The following NEGR1 variants were observed in gnomAD, a reference collection of about 807,000 sequenced individuals.
The protein encoded by NEGR1 is IgLON family member 4.
Under a neutral mutation model 40.9 loss-of-function variants are expected in NEGR1, and 10 were observed. That is an observed-to-expected ratio of 0.24 (90% CI 0.15 to 0.42). The LOEUF is 0.42. NEGR1 is among the 10% of genes least tolerant of loss of function. The probability of loss-of-function intolerance (pLI) is 1.00; values close to 1 mark genes in which losing one functional copy is unlikely to be tolerated. For synonymous variants in NEGR1, 185 were observed against 166.8 expected, an observed-to-expected ratio of 1.11 and a Z score of -0.84; for missense variants, 352 against 438.9, an observed-to-expected ratio of 0.80 and a Z score of 1.77.
chr1:71,904,061 A>G (rs1435305491), intron 2 of NEGR1, among the ~76,000 whole-genome samples: 1 of 151,930 alleles, frequency 6.6e-6, no homozygotes, highest in Non-Finnish European at 1.5e-5. Context: ...TACATATTAT[A>G]TTAAAATCCT....
chr1:71,579,231 G>C (rs1284726792), intron 6 of NEGR1, among the ~76,000 whole-genome samples: 1 of 152,014 alleles, frequency 6.6e-6, no homozygotes, highest in African/African-American at 2.4e-5. Flanking sequence ...CAGTCACATG[G>C]GATTTCTATT....
intron 6 of NEGR1, among the ~76,000 whole-genome samples, chr1:71,559,663 C>T (rs1239896990): frequency 6.6e-6 from 1 of 151,540 alleles, no homozygotes; most frequent in Non-Finnish European, 1.5e-5. Flanking sequence ...ACACTTTAAA[C>T]TTTTAATCAA....
At chr1:72,246,035 AT>A (rs1403106421) in intron 1 of NEGR1, among the ~76,000 whole-genome samples, 5 of 152,134 alleles carry the variant, frequency 3.3e-5, no homozygotes, top group African/African-American at 1.2e-4. Flanking sequence ...CTTCTCTTGA[AT>A]TTTTTGAGTT....
intron 1 of NEGR1, among the ~76,000 whole-genome samples, chr1:72,229,128 T>A (rs1654278714): frequency 6.6e-6 from 1 of 152,046 alleles, no homozygotes; most frequent in Non-Finnish European, 1.5e-5. Flanking sequence ...TACTAAATCA[T>A]CAATTTTACA....
chr1:72,254,951 G>GT (rs1240757307), intron 1 of NEGR1, among the ~76,000 whole-genome samples: 1 of 151,748 alleles, frequency 6.6e-6, no homozygotes, highest in East Asian at 1.9e-4. Flanking sequence ...CTCAATAGAT[G>GT]TATTAAAAAT....
chr1:71,633,140 A>G (rs1400071796), intron 4 of NEGR1, among the ~76,000 whole-genome samples: 1 of 152,088 alleles, frequency 6.6e-6, no homozygotes, highest in Non-Finnish European at 1.5e-5. Flanking sequence ...TAACACTCTC[A>G]GTTTTTAGTC....
chr1:71,444,208 T>C (rs1020456844), intron 6 of NEGR1, among the ~76,000 whole-genome samples: 2 of 152,140 alleles, frequency 1.3e-5, no homozygotes, highest in South Asian at 2.1e-4. Flanking sequence ...TTTGAAGATA[T>C]GGAGATTGTT....
At chr1:71,687,571 G>A (rs1653080264) in intron 4 of NEGR1, among the ~76,000 whole-genome samples, 1 of 152,108 alleles carries the variant, frequency 6.6e-6, no homozygotes, top group South Asian at 2.1e-4. Flanking sequence ...GTGCAGCATC[G>A]TTCTAAAGGA....
chr1:71,757,970 G>T (rs572795690), intron 3 of NEGR1, among the ~76,000 whole-genome samples: 48 of 151,258 alleles, frequency 3.2e-4, no homozygotes, highest in African/African-American at 1.1e-3. Context: ...TTTTGGATGA[G>T]TTTTTTTTTA....
In NEGR1 at chr1:71,560,397, T is replaced by G. The variant is rs565468652; in HGVS notation, c.940+32420A>C. On this transcript the variant is annotated intron_variant, in intron 6 of 6. Transcript: ENST00000357731. ...AAACTGATGCCCATTATGTATGACC[T>G]TAATATAACCCAGGCCCTGTGTAAT... Among the ~76,000 whole-genome samples, 20 of 143,214 alleles carry G rather than the reference T, an allele frequency of 1.4e-4. No homozygotes were observed. The South Asian group carries it at 4.4e-3, about 31-fold the overall frequency. The allele number at this position is 143,214 out of a possible 152,430, so 94.0% of individuals were successfully genotyped here.
intron 4 of NEGR1, among the ~76,000 whole-genome samples, chr1:71,647,055 A>C (rs1422324975): frequency 6.6e-6 from 1 of 151,834 alleles, no homozygotes; most frequent in Non-Finnish European, 1.5e-5. Context: ...ATTATATAAG[A>C]AGATATGCCA....
chr1:71,880,584 A>G lies in NEGR1; in HGVS notation c.409+54495T>C, dbSNP rs139854335. ...TTTAACTCCTTTGAAATGAACTCCA[A>G]ACACTTCAACATAGATAGAAAACCT... is the stretch of plus-strand genomic sequence containing the variant. On this transcript the variant is annotated intron_variant, in intron 2 of 6. Coordinates refer to ENST00000357731, the MANE Select transcript of NEGR1 (RefSeq NM_173808.3). Among the ~76,000 whole-genome samples, 4 of 152,132 alleles carry G rather than the reference A, an allele frequency of 2.6e-5. No homozygotes were observed. In the East Asian group the frequency reaches 7.7e-4, roughly 29 times the overall value.
chr1:71,644,712 G>GA (rs2101576721), intron 4 of NEGR1, among the ~76,000 whole-genome samples: 1 of 151,898 alleles, frequency 6.6e-6, no homozygotes, highest in African/African-American at 2.4e-5. Flanking sequence ...GATTAAATAG[G>GA]AAAAATATTA....
At chr1:71,415,816 G>T (rs915543728) in intron 6 of NEGR1, among the ~76,000 whole-genome samples, 2 of 152,096 alleles carry the variant, frequency 1.3e-5, no homozygotes, top group Admixed American at 1.3e-4. Context: ...GTATGACCCT[G>T]AATGGTTCTT....
chr1:72,265,336 G>A (rs560781121), intron 1 of NEGR1, among the ~76,000 whole-genome samples: 6 of 150,932 alleles, frequency 4.0e-5, no homozygotes, highest in African/African-American at 1.4e-4. Flanking sequence ...TGATAGTAAG[G>A]TCAATCAGTT....
chr1:71,769,053 A>G (rs1293274383), intron 3 of NEGR1, among the ~76,000 whole-genome samples: 1 of 133,954 alleles, frequency 7.5e-6, no homozygotes, highest in Non-Finnish European at 1.6e-5. Context: ...AACTGTGATT[A>G]ACATTTTTAA....
intron 1 of NEGR1, among the ~76,000 whole-genome samples, chr1:72,170,970 C>G (rs952419448): frequency 3.9e-5 from 6 of 152,142 alleles, no homozygotes; most frequent in African/African-American, 1.4e-4. Flanking sequence ...GCCCTCTTTT[C>G]CCCACTGTTA....
intron 2 of NEGR1, among the ~76,000 whole-genome samples, chr1:71,894,881 T>C (rs1259872551): frequency 3.3e-5 from 5 of 151,952 alleles, no homozygotes; most frequent in African/African-American, 9.7e-5. Flanking sequence ...GAATAGCCAC[T>C]GCACTTCAGC....
intron 2 of NEGR1, among the ~76,000 whole-genome samples, chr1:71,856,568 C>A (rs1408205752): frequency 6.6e-6 from 1 of 152,036 alleles, no homozygotes; most frequent in African/African-American, 2.4e-5. Flanking sequence ...CCTAACAGCT[C>A]TTGGCATAGG....
Sources: gnomAD v4.1 joint callset for allele counts (sites outside exome capture counted in the v4.1 genomes callset) on GRCh38, gnomAD v4.1.1 for gene constraint, MANE v1.5 for transcripts, NCBI Gene and HGNC (gene_info 2026-07-23, HGNC 2026-07-21) for gene names.